SEC23B: variants seen among roughly 807,000 people sequenced by gnomAD.
The protein encoded by SEC23B is SEC23 homolog B, COPII component.
Under a neutral mutation model 104.3 loss-of-function variants are expected in SEC23B, and 77 were observed. The ratio of observed to expected loss-of-function variants is 0.74; its 90% CI spans 0.61 to 0.89. SEC23B has a LOEUF of 0.89. SEC23B is among the 40% of genes least tolerant of loss of function. The pLI, the probability that SEC23B is intolerant of heterozygous loss-of-function variation, is 0.00. For missense variants in SEC23B, 885 were observed against 949.4 expected (o/e 0.93, Z 0.89); for synonymous variants, 338 against 332.5 (o/e 1.02, Z -0.18).
intron 6 of SEC23B, among the ~76,000 whole-genome samples, chr20:18,525,261 C>G (rs916864655): frequency 1.3e-5 from 2 of 152,196 alleles, no homozygotes; most frequent in Non-Finnish European, 2.9e-5. Flanking sequence ...ACTGGAAAAA[C>G]TGAAAAGACT....
intron 19 of SEC23B, among the ~76,000 whole-genome samples, chr20:18,557,997 C>T (rs924320696): frequency 3.9e-5 from 6 of 151,950 alleles, no homozygotes; most frequent in South Asian, 2.1e-4. Flanking sequence ...GTGATCCGCC[C>T]GCCTCAGCCT....
intron 14 of SEC23B, among the ~76,000 whole-genome samples, chr20:18,544,513 T>C (rs1485221717): frequency 6.6e-6 from 1 of 152,184 alleles, no homozygotes; most frequent in Non-Finnish European, 1.5e-5. Flanking sequence ...AGGAGCTAGC[T>C]GGGTCTTTTA....
chr20:18,561,049 T>C lies in SEC23B; in HGVS notation c.*309T>C. 1 of 353,110 alleles carries C rather than the reference T, an allele frequency of 2.8e-6. No individual in the cohort carries two copies. The highest frequency in any genetic ancestry group is 2.5e-5 in the South Asian group (1 of 40,566). The allele number at this position is 353,110 out of a possible 1,614,324, so 21.9% of individuals were successfully genotyped here. ...CAGCTTGTTTAGGTGAGAATCTTAATGATCATAAAGGAAATAAATCTAGAT... is the reference window on the plus strand; with the variant it reads ...CAGCTTGTTTAGGTGAGAATCTTAACGATCATAAAGGAAATAAATCTAGAT... On this transcript the variant is annotated 3_prime_UTR_variant, in exon 20 of 20. Coordinates refer to ENST00000650089, the MANE Select transcript of SEC23B (RefSeq NM_006363.6).
chr20:18,521,428 G>C (rs940561593), intron 4 of SEC23B, among the ~76,000 whole-genome samples: 1 of 152,132 alleles, frequency 6.6e-6, no homozygotes, highest in Non-Finnish European at 1.5e-5. Flanking sequence ...TAACTGGGCT[G>C]GGTTTTTATA....
rs747521835 is a variant in SEC23B, at chr20:18,526,365, T to C, written c.835-8T>C. The C allele has an allele frequency of 3.1e-6, 5 of 1,614,048 alleles. No homozygotes were observed. The highest frequency in any genetic ancestry group is 4.2e-6 in the Non-Finnish European group (5 of 1,179,916). ...ATACTTCTAACATGCTGCCATTCGC[T>C]ATTTTAGGGCACTTTTCCAAACACA... On this transcript the variant is annotated splice_polypyrimidine_tract_variant and splice_region_variant and intron_variant, in intron 7 of 19. Transcript: ENST00000650089.
chr20:18,527,736 G>A, intron 9 of SEC23B, 125 bp downstream of exon 9: 1 of 776,762 alleles, frequency 1.3e-6, no homozygotes, highest in Middle Eastern at 2.2e-4. Context: ...CTGGGCTATG[G>A]TTTCAGTGAC....
intron 9 of SEC23B, among the ~76,000 whole-genome samples, chr20:18,528,485 A>C (rs532995453): frequency 6.6e-6 from 1 of 152,226 alleles, no homozygotes; most frequent in Admixed American, 6.5e-5. Flanking sequence ...CATTTGAACA[A>C]TATCCCAGGT....
In SEC23B at chr20:18,545,979, CAAAG is replaced by C. The variant is rs749539335; in HGVS notation, c.1692_1695del (p.Glu565ThrfsTer21). ...AGTGTCAAAAGTTTGGACAGTATAA[CAAAG>C]AAGACCCCACTTCTTTTAGGTTATC... On this transcript the variant is annotated frameshift_variant, in exon 15 of 20. Transcript: ENST00000650089. LOFTEE classifies it high-confidence loss of function. 6.3e-7 allele frequency: 1 copy of C among 1,587,976 alleles called. No individual in the cohort carries two copies. Among genetic ancestry groups the C allele is most frequent in the South Asian group, 1.1e-5 (1 of 90,522 alleles).
intron 12 of SEC23B, among the ~76,000 whole-genome samples, chr20:18,536,118 C>T (rs1296859636): frequency 6.6e-6 from 1 of 152,076 alleles, no homozygotes; most frequent in Non-Finnish European, 1.5e-5. Flanking sequence ...CTAGGTGAAC[C>T]CATCAACTTG....
chr20:18,548,782 C>T lies in SEC23B; in HGVS notation c.1905+12C>T, dbSNP rs184733927. 9 of 1,613,238 alleles carry T rather than the reference C, an allele frequency of 5.6e-6. No homozygotes were observed. In the Admixed American group the frequency reaches 1.2e-4, roughly 21 times the overall value. On this transcript the variant is annotated intron_variant, in intron 16 of 19. Coordinates refer to ENST00000650089, the MANE Select transcript of SEC23B (RefSeq NM_006363.6). Reference sequence around the variant, plus strand: ...ATGGGCCACCAGAGGTGAGGCTCTACCCAAATGCTTTCCTGAGGATTGGAA... The same window carrying T: ...ATGGGCCACCAGAGGTGAGGCTCTATCCAAATGCTTTCCTGAGGATTGGAA...
At position 18,535,759 on chromosome 20, in the gene SEC23B, C is replaced by T. The variant is rs1480326694; in HGVS notation, c.1404+17C>T. On this transcript the variant is annotated intron_variant, in intron 12 of 19. Transcript: ENST00000650089. ...GTCAATCAGGTGAGTTGGATTTCTT[C>T]ACATGTCTTCATGTCTTAGTGTCCT... 3 of 1,568,036 alleles carry T rather than the reference C, an allele frequency of 1.9e-6. No homozygotes were observed. The highest frequency in any genetic ancestry group is 1.4e-5 in the African/African-American group (1 of 74,022).
chr20:18,554,316 G>C lies in SEC23B; in HGVS notation c.2074G>C (p.Asp692His). ...NFKHLLQAPL[D>H]DAQEILQARF... ...CAAGCACCTTCTGCAGGCACCACTG[G>C]ATGATGCTCAAGAAATTCTGCAAGC... Residue 692 changes from aspartate (D) to histidine (H), a missense_variant, in exon 18 of 20, where the codon GAT becomes CAT. Coordinates refer to ENST00000650089, the MANE Select transcript of SEC23B (RefSeq NM_006363.6). The C allele has an allele frequency of 6.2e-7, 1 of 1,614,152 alleles. No homozygotes were observed. The highest frequency in any genetic ancestry group is 8.5e-7 in the Non-Finnish European group (1 of 1,180,026).
intron 17 of SEC23B, among the ~76,000 whole-genome samples, chr20:18,553,819 C>T (rs543224596): frequency 1.3e-5 from 2 of 152,098 alleles, no homozygotes; most frequent in East Asian, 3.9e-4. Context: ...ATATGTGTGC[C>T]GTTAGGAAAG....
chr20:18,538,330 A>G (rs1424020962), intron 12 of SEC23B, among the ~76,000 whole-genome samples: 1 of 150,188 alleles, frequency 6.7e-6, no homozygotes, highest in Non-Finnish European at 1.5e-5. Context: ...GCTCACTGCA[A>G]GCTTCGCCTC....
At chr20:18,555,557 C>A (rs1032047615) in intron 19 of SEC23B, among the ~76,000 whole-genome samples, 3 of 152,100 alleles carry the variant, frequency 2.0e-5, no homozygotes, top group African/African-American at 7.2e-5. Flanking sequence ...AGCCTAATTC[C>A]TTCCCTTTTC....
intron 6 of SEC23B, 69 bp downstream of exon 6, chr20:18,525,089 A>G: frequency 7.8e-7 from 1 of 1,286,406 alleles, no homozygotes; most frequent in Non-Finnish European, 1.1e-6. Context: ...GAGTAAGGGA[A>G]GAAAAATATT....
Position 18,560,891 on chromosome 20 carries a change from A to G in SEC23B, c.*151A>G, listed in dbSNP as rs1274438794. On this transcript the variant is annotated 3_prime_UTR_variant, in exon 20 of 20. Coordinates refer to ENST00000650089, the MANE Select transcript of SEC23B (RefSeq NM_006363.6). ...ACTCTTTAGATTATAATTTATTTGT[A>G]TTCCTGTCTTTGTCCTTTTTCTTGC... 2 of 674,812 alleles carry G rather than the reference A, an allele frequency of 3.0e-6. No individual in the cohort carries two copies. The highest frequency in any genetic ancestry group is 5.5e-5 in the East Asian group (2 of 36,320). 41.8% of individuals were successfully genotyped at this position (674,812 alleles called of 1,614,324 possible).
At position 18,529,558 on chromosome 20, in the gene SEC23B, G is replaced by A. The variant is rs542086845; in HGVS notation, c.1110-1122G>A. Among the ~76,000 whole-genome samples, 4 of 152,334 alleles carry A rather than the reference G, an allele frequency of 2.6e-5. No individual in the cohort carries two copies. In the South Asian group the frequency reaches 8.3e-4, roughly 32 times the overall value. ...CATTACGGGCTGAGGCTCCTACTAA[G>A]CTGCTCTACCACCATTCATATGCCA... On this transcript the variant is annotated intron_variant, in intron 9 of 19. Coordinates refer to ENST00000650089, the MANE Select transcript of SEC23B (RefSeq NM_006363.6).
chr20:18,523,952 G>A (rs1200587080), intron 4 of SEC23B, among the ~76,000 whole-genome samples: 1 of 152,132 alleles, frequency 6.6e-6, no homozygotes, highest in Non-Finnish European at 1.5e-5. Flanking sequence ...CTGTGCTTAA[G>A]CAATCCTCCC....
Sources: allele counts gnomAD v4.1 joint callset (sites outside exome capture counted in the v4.1 genomes callset), GRCh38; gene constraint gnomAD v4.1.1; transcripts MANE v1.5; gene names NCBI Gene and HGNC (gene_info 2026-07-23, HGNC 2026-07-21).